The following ING3 variants were observed in gnomAD, a reference collection of about 807,000 sequenced individuals.
ING3 encodes inhibitor of growth protein 3.
A neutral mutation model predicts 64.8 loss-of-function variants in ING3; 6 were observed. That is an observed-to-expected ratio of 0.09 (90% CI 0.05 to 0.18). The LOEUF (loss-of-function observed/expected upper bound fraction) is 0.18. Ranked by LOEUF, ING3 falls within the 10% of genes least tolerant of loss-of-function variation. ING3 has a pLI of 1.00. For synonymous variants in ING3, 170 were observed against 173.7 expected (o/e 0.98, Z 0.17); for missense variants, 310 against 489.7 (o/e 0.63, Z 3.46).
intron 10 of ING3, among the ~76,000 whole-genome samples, chr7:120,972,394 C>T (rs886625210): frequency 1.3e-5 from 2 of 152,098 alleles, no homozygotes; most frequent in Non-Finnish European, 2.9e-5. Flanking sequence ...TTAGCTGTTC[C>T]ACTATCACCC....
intron 4 of ING3, among the ~76,000 whole-genome samples, chr7:120,964,325 G>A (rs1299760899): frequency 3.3e-5 from 5 of 152,012 alleles, no homozygotes; most frequent in East Asian, 1.9e-4. Flanking sequence ...AGCTTTTATC[G>A]TATGACAGTG....
chr7:120,955,802 A>G, intron 4 of ING3, 178 bp downstream of exon 4: 1 of 606,804 alleles, frequency 1.6e-6, no homozygotes, highest in Non-Finnish European at 2.9e-6. Flanking sequence ...GAAAAGTCAG[A>G]GTGGTTAGTT....
chr7:120,968,083 A>G lies in ING3; in HGVS notation c.706A>G (p.Thr236Ala). The change falls in exon 8 of 12, where the codon ACA becomes GCA. Residue 236 changes from threonine to alanine, a missense_variant. By Grantham distance (58) the Thr-to-Ala change is moderately conservative. Transcript: ENST00000315870. ...TMAAAQAVQA[T>A]AQMKEGRRTS... ...GGCAGCTGCTCAAGCAGTTCAGGCT[A>G]CAGCTCAGGTAAAAAGTAAAGGGTT... 4 of 1,613,548 alleles carry G rather than the reference A, an allele frequency of 2.5e-6. No homozygotes were observed. Among genetic ancestry groups the G allele is most frequent in the Non-Finnish European group, 3.4e-6 (4 of 1,179,802 alleles).
chr7:120,951,326 T>C (rs1319696138), intron 2 of ING3, 91 bp downstream of exon 2: 30 of 1,236,760 alleles, frequency 2.4e-5, no homozygotes, highest in Non-Finnish European at 3.4e-5. Flanking sequence ...GCTCTTTCAC[T>C]GTCCTCTGGC....
intron 4 of ING3, among the ~76,000 whole-genome samples, chr7:120,959,377 C>G (rs1299120186): frequency 6.6e-6 from 1 of 152,212 alleles, no homozygotes; most frequent in Non-Finnish European, 1.5e-5. Flanking sequence ...TTAGTGTTAA[C>G]AATTATACGT....
At chr7:120,965,849 A>G (rs1795990643) in intron 5 of ING3, among the ~76,000 whole-genome samples, 1 of 152,252 alleles carries the variant, frequency 6.6e-6, no homozygotes, top group East Asian at 1.9e-4. Context: ...TAAAGATAAT[A>G]AGTATTTTGA....
intron 5 of ING3, among the ~76,000 whole-genome samples, 183 bp downstream of exon 5, chr7:120,965,021 G>C (rs1309001905): frequency 6.6e-6 from 1 of 151,980 alleles, no homozygotes; most frequent in Non-Finnish European, 1.5e-5. Context: ...AGATAATATA[G>C]GATATCATCC....
intron 5 of ING3, among the ~76,000 whole-genome samples, chr7:120,965,240 T>G (rs970559334): frequency 6.6e-6 from 1 of 152,212 alleles, no homozygotes; most frequent in Non-Finnish European, 1.5e-5. Context: ...CTTTATGGCT[T>G]TTCCTTAACT....
intron 4 of ING3, among the ~76,000 whole-genome samples, chr7:120,962,852 G>A (rs929630251): frequency 2.6e-5 from 4 of 151,758 alleles, no homozygotes; most frequent in African/African-American, 9.7e-5. Flanking sequence ...GCTTATTTGT[G>A]ACATCTAGAC....
chr7:120,952,042 A>T (rs1311075069), intron 2 of ING3, among the ~76,000 whole-genome samples: 2 of 152,182 alleles, frequency 1.3e-5, no homozygotes, highest in Non-Finnish European at 2.9e-5. Context: ...GCTTATGAGT[A>T]TATTTTTCCG....
chr7:120,957,960 TA>T (rs1795875598), intron 4 of ING3, among the ~76,000 whole-genome samples: 1 of 152,178 alleles, frequency 6.6e-6, no homozygotes, highest in Non-Finnish European at 1.5e-5. Context: ...TTAGAATACA[TA>T]CAATGCTATT....
At chr7:120,960,308 G>A (rs567137832) in intron 4 of ING3, among the ~76,000 whole-genome samples, 2 of 152,294 alleles carry the variant, frequency 1.3e-5, no homozygotes, top group South Asian at 2.1e-4. Flanking sequence ...GGGGCCTTGC[G>A]AGCCAGTCTA....
intron 3 of ING3, among the ~76,000 whole-genome samples, chr7:120,955,279 C>T (rs1222162674): frequency 2.0e-5 from 3 of 152,282 alleles, no homozygotes; most frequent in African/African-American, 7.2e-5. Context: ...CAGGCGCCCA[C>T]TACCATGCCC....
rs140563514 is a variant in ING3, at chr7:120,969,212, T to G, written c.908+8T>G. On this transcript the variant is annotated splice_region_variant and intron_variant, in intron 9 of 11. Coordinates refer to ENST00000315870, the MANE Select transcript of ING3 (RefSeq NM_019071.3). ...GAGTGGTCGAAAGAGCAAGTAAGTT[T>G]TATTGTTACAGTAGCCCTATACCTT... 2.5e-6 allele frequency: 4 copies of G among 1,610,528 alleles called. No individual in the cohort carries two copies. The East Asian group carries it at 8.9e-5, about 36-fold the overall frequency.
intron 4 of ING3, chr7:120,956,806 G>C (rs1795854922): frequency 1.0e-6 from 1 of 976,008 alleles, no homozygotes; most frequent in South Asian, 4.7e-5. Flanking sequence ...CATATTCAAT[G>C]ACTGTATGTA....
intron 4 of ING3, chr7:120,956,070 G>T: frequency 1.2e-6 from 1 of 843,714 alleles, no homozygotes; most frequent in South Asian, 1.4e-5. Flanking sequence ...GTGTTTATGT[G>T]AGTGATGTTA....
At chr7:120,960,986 C>G (rs1795926485) in intron 4 of ING3, among the ~76,000 whole-genome samples, 2 of 152,014 alleles carry the variant, frequency 1.3e-5, no homozygotes, top group Non-Finnish European at 2.9e-5. Context: ...TGCTCAATAC[C>G]CTTGAACTTG....
At chr7:120,971,442 T>C (rs1489100757) in intron 10 of ING3, among the ~76,000 whole-genome samples, 6 of 152,154 alleles carry the variant, frequency 3.9e-5, no homozygotes, top group African/African-American at 1.2e-4. Context: ...TATAGTCACG[T>C]TGGGGGTTAG....
At position 120,950,962 on chromosome 7, in the gene ING3, G is replaced by A. The variant is rs898057003; in HGVS notation, c.28+38G>A. On this transcript the variant is annotated intron_variant, in intron 1 of 11. Transcript: ENST00000315870. ...CGCTGGCGGCGGCCGCCAGTGGGACGTGCGGGCGGGCAAGAGCGCGAGTGG... is the reference window on the plus strand; with the variant it reads ...CGCTGGCGGCGGCCGCCAGTGGGACATGCGGGCGGGCAAGAGCGCGAGTGG... 5 of 1,611,640 alleles carry A rather than the reference G, an allele frequency of 3.1e-6. No homozygotes were observed. The African/African-American group carries it at 6.7e-5, about 22-fold the overall frequency.
Sources: gnomAD v4.1 joint callset for allele counts (sites outside exome capture counted in the v4.1 genomes callset) on GRCh38, gnomAD v4.1.1 for gene constraint, MANE v1.5 for transcripts, NCBI Gene and HGNC (gene_info 2026-07-23, HGNC 2026-07-21) for gene names.